INVS: variants seen among roughly 807,000 people sequenced by gnomAD.
INVS encodes the protein inversin.
Under a neutral mutation model 108.8 loss-of-function variants are expected in INVS, and 86 were observed. The ratio of observed to expected loss-of-function variants is 0.79; its 90% confidence interval spans 0.66 to 0.95. INVS has a LOEUF of 0.95. INVS is among the 40% of genes least tolerant of loss of function. The pLI is 0.00. For missense variants in INVS, 1,169 were observed against 1,297.4 expected, an observed-to-expected ratio of 0.90 and a Z score of 1.52; for synonymous variants, 455 against 473.5, an observed-to-expected ratio of 0.96 and a Z score of 0.51.
chr9:100,286,515 T>G (rs1833447383), intron 13 of INVS, among the ~76,000 whole-genome samples: 2 of 152,226 alleles, frequency 1.3e-5, no homozygotes, highest in African/African-American at 4.8e-5. Flanking sequence ...CACTCCAGCC[T>G]GGGTGACAGT....
chr9:100,246,867 C>A, intron 8 of INVS, 80 bp downstream of exon 8: 1 of 1,255,436 alleles, frequency 8.0e-7, no homozygotes. Context: ...TGTAAAATAG[C>A]AACTTGAAAT....
intron 3 of INVS, among the ~76,000 whole-genome samples, chr9:100,159,848 C>T (rs537674779): frequency 1.3e-5 from 2 of 152,174 alleles, no homozygotes; most frequent in African/African-American, 2.4e-5. Context: ...TCTAATGAAT[C>T]GACTCTGATG....
intron 3 of INVS, among the ~76,000 whole-genome samples, chr9:100,164,934 G>A (rs1442033221): frequency 4.8e-5 from 7 of 145,174 alleles, no homozygotes; most frequent in Non-Finnish European, 9.0e-5. Flanking sequence ...GGCTATTGTG[G>A]CTTAACCCCT....
intron 6 of INVS, among the ~76,000 whole-genome samples, chr9:100,241,329 A>G (rs1163188407): frequency 6.6e-6 from 1 of 152,002 alleles, no homozygotes; most frequent in Admixed American, 6.6e-5. Flanking sequence ...TCTGCCTCCT[A>G]TATAGATTGT....
intron 3 of INVS, among the ~76,000 whole-genome samples, chr9:100,208,736 T>A (rs917546593): frequency 5.9e-5 from 9 of 152,198 alleles, no homozygotes; most frequent in Non-Finnish European, 1.2e-4. Flanking sequence ...GATGTTTTAA[T>A]AACTTTGCTT....
intron 11 of INVS, among the ~76,000 whole-genome samples, chr9:100,270,940 A>T (rs1002244116): frequency 1.3e-5 from 2 of 152,008 alleles, no homozygotes; most frequent in African/African-American, 4.8e-5. Context: ...AAAGAAAAAA[A>T]AAAAAGAATG....
Position 100,273,050 on chromosome 9 carries a change from A to G in INVS, c.1758A>G (p.Glu586=). The change falls in exon 12 of 17, where the codon GAA becomes GAG. Residue 586 remains glutamate (E), a synonymous_variant. Coordinates refer to ENST00000262457, the MANE Select transcript of INVS (RefSeq NM_014425.5). ...GGAAAAATCTCCTCATGAAGCATGAACAGTTGAGAAAAGATGCTGCTGCCA... is the reference window on the plus strand; with the variant it reads ...GGAAAAATCTCCTCATGAAGCATGAGCAGTTGAGAAAAGATGCTGCTGCCA... The part of the protein sequence containing the change: ...RDRKNLLMKH[E]QLRKDAAAKK... The G allele has an allele frequency of 6.2e-7, 1 of 1,614,084 alleles. No individual in the cohort carries two copies. Among genetic ancestry groups the G allele is most frequent in the Non-Finnish European group, 8.5e-7 (1 of 1,179,980 alleles).
At chr9:100,101,242 G>T (rs1826978550) in intron 1 of INVS, 1 of 150,740 alleles carries the variant, frequency 6.6e-6, no homozygotes, top group African/African-American at 2.4e-5. Flanking sequence ...TTGTCACTCA[G>T]CTTGTTGAAT....
intron 3 of INVS, among the ~76,000 whole-genome samples, chr9:100,163,273 A>G (rs1490890487): frequency 6.7e-6 from 1 of 150,360 alleles, no homozygotes; most frequent in Non-Finnish European, 1.5e-5. Flanking sequence ...TAGCTGTTCC[A>G]GTAACAAACG....
chr9:100,243,801 G>A (rs1219077410), intron 7 of INVS, among the ~76,000 whole-genome samples: 1 of 152,072 alleles, frequency 6.6e-6, no homozygotes, highest in African/African-American at 2.4e-5. Context: ...CCTAAGGTCT[G>A]GAGTTCGAGA....
At position 100,298,614 on chromosome 9, in the gene INVS, C is replaced by A. The variant is rs192633891; in HGVS notation, c.3091+604C>A. Reference sequence around the variant, plus strand: ...CATAGGTGGCTATGGCAACACGCTCCCCCCTGCCTCCTCGATCCACACAGT... The same window carrying A: ...CATAGGTGGCTATGGCAACACGCTCACCCCTGCCTCCTCGATCCACACAGT... On this transcript the variant is annotated intron_variant, in intron 16 of 16. Transcript: ENST00000262457. Among the ~76,000 whole-genome samples the A allele has an allele frequency of 4.4e-3, 513 of 116,664 alleles. 1 individual carries two copies. The highest frequency in any genetic ancestry group is 0.016 in the African/African-American group (487 of 31,324). 76.5% of individuals were successfully genotyped at this position (116,664 alleles called of 152,430 possible).
At chr9:100,165,675 A>G (rs1190634121) in intron 3 of INVS, among the ~76,000 whole-genome samples, 2 of 152,156 alleles carry the variant, frequency 1.3e-5, no homozygotes, top group South Asian at 2.1e-4. Flanking sequence ...CATATTTACT[A>G]TATCAATCCA....
chr9:100,218,157 C>A (rs1031243296), intron 3 of INVS, among the ~76,000 whole-genome samples: 6 of 151,992 alleles, frequency 3.9e-5, no homozygotes, highest in Non-Finnish European at 7.4e-5. Context: ...AGTTATCTTT[C>A]TAGGCCAAAA....
intron 3 of INVS, among the ~76,000 whole-genome samples, chr9:100,217,698 C>T (rs952167021): frequency 2.0e-5 from 3 of 152,120 alleles, no homozygotes; most frequent in Admixed American, 6.5e-5. Flanking sequence ...GACATTACCT[C>T]GTCACTCAAG....
At chr9:100,113,553 G>A (rs1827413642) in intron 2 of INVS, among the ~76,000 whole-genome samples, 1 of 151,300 alleles carries the variant, frequency 6.6e-6, no homozygotes, top group South Asian at 2.1e-4. Flanking sequence ...TTTATCTGGT[G>A]TCTTTTTTGT....
chr9:100,214,711 A>G (rs563593698), intron 3 of INVS, among the ~76,000 whole-genome samples: 94 of 152,378 alleles, frequency 6.2e-4, no homozygotes, highest in African/African-American at 2.1e-3. Context: ...AAGAACCACC[A>G]ATGCCCATGT....
intron 3 of INVS, among the ~76,000 whole-genome samples, chr9:100,155,216 A>C (rs1197353969): frequency 6.6e-6 from 1 of 152,218 alleles, no homozygotes; most frequent in Non-Finnish European, 1.5e-5. Flanking sequence ...ATCTCAAAAA[A>C]AAAAAAAAGA....
At chr9:100,239,524 G>T (rs1248332158) in intron 5 of INVS, among the ~76,000 whole-genome samples, 2 of 152,032 alleles carry the variant, frequency 1.3e-5, no homozygotes, top group African/African-American at 2.4e-5. Flanking sequence ...TTTTAATCTA[G>T]ATAATCAGTA....
intron 4 of INVS, among the ~76,000 whole-genome samples, chr9:100,227,610 G>A (rs12003124): frequency 0.17 from 26,084 of 151,836 alleles, 3,349 homozygotes; most frequent in African/African-American, 0.37. Flanking sequence ...AAATCAAAAT[G>A]GAGTTGTTTC....
Sources: allele counts gnomAD v4.1 joint callset (sites outside exome capture counted in the v4.1 genomes callset), GRCh38; gene constraint gnomAD v4.1.1; transcripts MANE v1.5; gene names NCBI Gene and HGNC (gene_info 2026-07-23, HGNC 2026-07-21).